The following CDH23 variants were observed in gnomAD, a reference collection of about 807,000 sequenced individuals.
The protein encoded by CDH23 is cadherin related 23, also known as cadherin-23.
A neutral mutation model predicts 317.1 loss-of-function variants in CDH23; 189 were observed. That is an observed-to-expected ratio of 0.60 (90% CI 0.53 to 0.67). CDH23 has a LOEUF of 0.67. Ranked by LOEUF, CDH23 falls within the 30% of genes least tolerant of loss-of-function variation. The pLI is 0.00. For synonymous variants in CDH23, 1,839 were observed against 1,876.8 expected (o/e 0.98, Z 0.52); for missense variants, 4,401 against 4,592.4 (o/e 0.96, Z 1.20).
chr10:71,617,424 C>T (rs780794659), intron 11 of CDH23, 31 bp downstream of exon 11: 3 of 1,606,876 alleles, frequency 1.9e-6, no homozygotes, highest in South Asian at 2.2e-5. Flanking sequence ...CCCATGCAGA[C>T]CCACCACCCA....
At chr10:71,650,128 T>C (rs945420443) in intron 14 of CDH23, among the ~76,000 whole-genome samples, 6 of 152,124 alleles carry the variant, frequency 3.9e-5, no homozygotes, top group African/African-American at 1.4e-4. Flanking sequence ...CTCCAGGTGG[T>C]GTGTTCTTAG....
At chr10:71,574,647 GA>G (rs1439974109) in intron 8 of CDH23, among the ~76,000 whole-genome samples, 3 of 152,278 alleles carry the variant, frequency 2.0e-5, no homozygotes, top group Admixed American at 6.5e-5. Context: ...TGAGCAGGAG[GA>G]GGACGTGGGT....
At chr10:71,591,064 G>GC (rs1201123306) in intron 9 of CDH23, among the ~76,000 whole-genome samples, 1 of 152,030 alleles carries the variant, frequency 6.6e-6, no homozygotes, top group Non-Finnish European at 1.5e-5. Flanking sequence ...CCACCAAGAA[G>GC]CTTGAGGATT....
chr10:71,546,400 G>C (rs767630848), intron 6 of CDH23, among the ~76,000 whole-genome samples: 3 of 152,336 alleles, frequency 2.0e-5, no homozygotes, highest in Non-Finnish European at 2.9e-5. Flanking sequence ...GAGCAAGGCA[G>C]TTGTGGAGTT....
chr10:71,444,638 A>AT (rs1850070065), intron 2 of CDH23, among the ~76,000 whole-genome samples: 2 of 152,258 alleles, frequency 1.3e-5, no homozygotes, highest in Non-Finnish European at 2.9e-5. Flanking sequence ...GCCTGAGCAC[A>AT]TCGAGGTGGG....
intron 6 of CDH23, among the ~76,000 whole-genome samples, chr10:71,545,898 A>AC (rs1856251208): frequency 6.6e-6 from 1 of 151,720 alleles, no homozygotes; most frequent in Non-Finnish European, 1.5e-5. Flanking sequence ...GGCCACCCCC[A>AC]CCCCCCAGGG....
intron 14 of CDH23, among the ~76,000 whole-genome samples, chr10:71,648,480 C>T (rs1045243077): frequency 6.6e-6 from 1 of 152,210 alleles, no homozygotes; most frequent in African/African-American, 2.4e-5. Context: ...TCAGGGGATT[C>T]CTTCCAGGTG....
intron 52 of CDH23, 89 bp downstream of exon 52, chr10:71,799,718 C>T: frequency 6.4e-7 from 1 of 1,567,992 alleles, no homozygotes; most frequent in Non-Finnish European, 8.7e-7. Flanking sequence ...GTAGTAATCC[C>T]TCTGGGTCTT....
At chr10:71,782,701 G>C (rs1224597154) in intron 41 of CDH23, among the ~76,000 whole-genome samples, 1 of 152,244 alleles carries the variant, frequency 6.6e-6, no homozygotes, top group African/African-American at 2.4e-5. Flanking sequence ...GAGAGCAAGA[G>C]GCCCTCTGCC....
intron 9 of CDH23, among the ~76,000 whole-genome samples, chr10:71,591,024 A>T (rs191003458): frequency 4.6e-5 from 7 of 152,142 alleles, no homozygotes; most frequent in African/African-American, 1.7e-4. Context: ...ACAAGACTAT[A>T]TAAATGGAAA....
intron 28 of CDH23, among the ~76,000 whole-genome samples, chr10:71,721,774 G>A (rs1036748537): frequency 6.6e-6 from 1 of 152,138 alleles, no homozygotes; most frequent in Non-Finnish European, 1.5e-5. Context: ...GAGGTTCCAG[G>A]GCATCAGTGC....
chr10:71,791,108 C>G, intron 46 of CDH23, 24 bp from the exon 47 acceptor site: 1 of 1,582,890 alleles, frequency 6.3e-7, no homozygotes, highest in Non-Finnish European at 8.6e-7. Context: ...GTGTGTTTCC[C>G]TGGCTGGCGG....
intron 16 of CDH23, 27 bp from the exon 17 acceptor site, chr10:71,679,360 G>A (rs373081031): frequency 2.0e-5 from 27 of 1,372,482 alleles, no homozygotes; most frequent in Middle Eastern, 1.9e-4. Flanking sequence ...GCAGGCTCAC[G>A]GCCCTTGTCT....
chr10:71,678,454 A>G (rs1407865532), intron 16 of CDH23, among the ~76,000 whole-genome samples: 1 of 152,118 alleles, frequency 6.6e-6, no homozygotes, highest in African/African-American at 2.4e-5. Flanking sequence ...AGACTTTTAA[A>G]TGTCCCCCCT....
At chr10:71,591,592 A>T (rs1047685982) in intron 9 of CDH23, among the ~76,000 whole-genome samples, 1 of 152,210 alleles carries the variant, frequency 6.6e-6, no homozygotes, top group Non-Finnish European at 1.5e-5. Context: ...GAGTTTTTTT[A>T]AGATGATGTT....
chr10:71,695,317 C>A (rs539596163), intron 21 of CDH23, 101 bp from the exon 22 acceptor site: 8 of 834,528 alleles, frequency 9.6e-6, no homozygotes, highest in Admixed American at 3.8e-5. Flanking sequence ...AGAATTAATG[C>A]GAAGATTGCC....
chr10:71,761,884 G>A (rs376417656), intron 38 of CDH23: 26 of 1,614,014 alleles, frequency 1.6e-5, no homozygotes, highest in Non-Finnish European at 2.2e-5. Context: ...CGCCCCTCGA[G>A]CTGCGGTACC....
At chr10:71,491,321 A>T (rs1852646152) in intron 3 of CDH23, among the ~76,000 whole-genome samples, 1 of 152,104 alleles carries the variant, frequency 6.6e-6, no homozygotes, top group Non-Finnish European at 1.5e-5. Flanking sequence ...AGTGTGGCTA[A>T]CTCATCAGCT....
chr10:71,547,803 A>G (rs1166530405), intron 6 of CDH23, among the ~76,000 whole-genome samples: 12 of 152,150 alleles, frequency 7.9e-5, no homozygotes, highest in Admixed American at 7.9e-4. Flanking sequence ...GGCGTGCTGA[A>G]TCTATGCCGT....
Sources: gnomAD v4.1 joint callset for allele counts (sites outside exome capture counted in the v4.1 genomes callset) on GRCh38, gnomAD v4.1.1 for gene constraint, MANE v1.5 for transcripts, NCBI Gene and HGNC (gene_info 2026-07-23, HGNC 2026-07-21) for gene names.